SEPTIN9: variants seen among roughly 807,000 people sequenced by gnomAD.
SEPTIN9 encodes the protein septin 9, also known as septin-9.
In SEPTIN9, 13 loss-of-function variants were observed where a neutral mutation model predicts 56.6. That is an observed-to-expected ratio of 0.23 (90% CI 0.15 to 0.37). The LOEUF is 0.37. Among genes scored for constraint, SEPTIN9 ranks in the 10% least tolerant of loss-of-function variants. The probability of loss-of-function intolerance (pLI) is 1.00; values close to 1 mark genes in which losing one functional copy is unlikely to be tolerated. For missense variants in SEPTIN9, 650 were observed against 823.1 expected (o/e 0.79, Z 2.57); for synonymous variants, 332 against 334.1 (o/e 0.99, Z 0.07).
chr17:77,497,645 C>G (rs998808098), intron 11 of SEPTIN9: 1 of 540,926 alleles, frequency 1.8e-6, no homozygotes, highest in Non-Finnish European at 3.3e-6. Flanking sequence ...GTTAGAGCTG[C>G]CCGGTGGCCA....
At chr17:77,493,175 A>T (rs1365190576) in intron 10 of SEPTIN9, 99 bp downstream of exon 10, 1 of 904,240 alleles carries the variant, frequency 1.1e-6, no homozygotes, top group African/African-American at 1.7e-5. Context: ...GACTCGTGGA[A>T]CCTCATCCAC....
At chr17:77,417,288 C>G (rs889502819) in intron 3 of SEPTIN9, among the ~76,000 whole-genome samples, 9 of 152,180 alleles carry the variant, frequency 5.9e-5, no homozygotes, top group Non-Finnish European at 1.2e-4. Context: ...TTGTGTGTCT[C>G]CAGCAGCCAA....
chr17:77,407,345 A>G (rs1331593758), intron 3 of SEPTIN9, among the ~76,000 whole-genome samples: 1 of 151,328 alleles, frequency 6.6e-6, no homozygotes, highest in Non-Finnish European at 1.5e-5. Context: ...TGGACATAAT[A>G]GGTGTGCCAT....
At chr17:77,478,182 C>G (rs1222358882) in intron 3 of SEPTIN9, among the ~76,000 whole-genome samples, 1 of 152,128 alleles carries the variant, frequency 6.6e-6, no homozygotes, top group Non-Finnish European at 1.5e-5. Context: ...GTAGGTTGGA[C>G]TGGAATTCTG....
At position 77,394,943 on chromosome 17, in the gene SEPTIN9, G is replaced by A. The variant is rs565595183; in HGVS notation, c.77-7116G>A. Among the ~76,000 whole-genome samples the A allele has an allele frequency of 3.9e-5, 6 of 152,336 alleles. No homozygotes were observed. In the East Asian group the frequency reaches 9.6e-4, roughly 24 times the overall value. ...GTAGCAGCTGAGACCGTAGGTGCTT[G>A]AGAATAGGAGAAGCCCTGTGCCCAT... is the stretch of plus-strand genomic sequence containing the variant. On this transcript the variant is annotated intron_variant, in intron 2 of 11. Transcript: ENST00000427177.
rs2032759229 is a variant in SEPTIN9 at position 77,317,687 on chromosome 17, C to T, written c.76+10490C>T. 6.6e-6 allele frequency among the ~76,000 whole-genome samples: 1 copy of T among 152,090 alleles called. No homozygotes were observed. On this transcript the variant is annotated intron_variant, in intron 2 of 11. Transcript: ENST00000427177. The surrounding 1 kb of genome is among the most constrained non-coding windows in gnomAD (Gnocchi z 4.2). Reference sequence around the variant, plus strand: ...TAATAATAGAAATAAAGTGCACAATCAATACAACGTGCTTGTGGCCGGGTG... The same window carrying T: ...TAATAATAGAAATAAAGTGCACAATTAATACAACGTGCTTGTGGCCGGGTG...
chr17:77,434,690 T>C lies in SEPTIN9; in HGVS notation c.721+31987T>C, dbSNP rs946190704. Reference sequence around the variant, plus strand: ...CGCCCCAGACGTGAGGGTTGGCATCTTCTCTTGCACGTGAAGCAAAGGCCT... The same window carrying C: ...CGCCCCAGACGTGAGGGTTGGCATCCTCTCTTGCACGTGAAGCAAAGGCCT... On this transcript the variant is annotated intron_variant, in intron 3 of 11. Transcript: ENST00000427177. The surrounding 1 kb of genome is among the most constrained non-coding windows in gnomAD (Gnocchi z 5.0). Among the ~76,000 whole-genome samples the C allele has an allele frequency of 1.3e-5, 2 of 152,198 alleles. No homozygotes were observed. The highest frequency in any genetic ancestry group is 2.9e-5 in the Non-Finnish European group (2 of 68,024).
At chr17:77,294,025 G>A (rs559760088) in intron 1 of SEPTIN9, among the ~76,000 whole-genome samples, 1 of 151,498 alleles carries the variant, frequency 6.6e-6, no homozygotes, top group East Asian at 1.9e-4. Flanking sequence ...GATTGCTTGA[G>A]CCCAGGAGGT....
intron 2 of SEPTIN9, among the ~76,000 whole-genome samples, chr17:77,360,571 C>CT (rs969493382): frequency 0.02 from 2,769 of 138,724 alleles, 80 homozygotes; most frequent in African/African-American, 0.065. Flanking sequence ...TTTTTTGTTT[C>CT]TTTTTTTTTT....
At chr17:77,422,042 G>C (rs1285734291) in intron 3 of SEPTIN9, among the ~76,000 whole-genome samples, 1 of 151,662 alleles carries the variant, frequency 6.6e-6, no homozygotes, top group African/African-American at 2.4e-5. Flanking sequence ...TTTTTTTGTA[G>C]AAATGGAGTC....
At chr17:77,424,115 G>A (rs2036810648) in intron 3 of SEPTIN9, among the ~76,000 whole-genome samples, 1 of 152,226 alleles carries the variant, frequency 6.6e-6, no homozygotes, top group East Asian at 1.9e-4. Flanking sequence ...CACTTACTGC[G>A]TCCTGACGTA....
At chr17:77,479,744 C>G (rs1422070765) in intron 3 of SEPTIN9, among the ~76,000 whole-genome samples, 1 of 151,804 alleles carries the variant, frequency 6.6e-6, no homozygotes, top group Admixed American at 6.6e-5. Flanking sequence ...GCGCCTCCCC[C>G]CAGGTCCTGC....
At chr17:77,401,916 G>A in intron 2 of SEPTIN9, 143 bp from the exon 3 acceptor site, 1 of 769,120 alleles carries the variant, frequency 1.3e-6, no homozygotes, top group Non-Finnish European at 2.1e-6. Flanking sequence ...CCTTCCGCTT[G>A]CTGAGACATG....
intron 1 of SEPTIN9, among the ~76,000 whole-genome samples, chr17:77,289,999 C>A (rs771036622): frequency 5.3e-5 from 8 of 152,182 alleles, no homozygotes; most frequent in Non-Finnish European, 1.0e-4. Flanking sequence ...GAATTCTGTT[C>A]TTTTCACTTG....
In SEPTIN9 at chr17:77,490,669, C is replaced by A. The variant is rs1466764762; in HGVS notation, c.1263-73C>A. 16 of 1,192,470 alleles carry A rather than the reference C, an allele frequency of 1.3e-5. No individual in the cohort carries two copies. In the Admixed American group the frequency reaches 2.4e-4, roughly 18 times the overall value. 73.9% of individuals were successfully genotyped at this position (1,192,470 alleles called of 1,614,324 possible). A position where few individuals can be genotyped will look rare whatever the true frequency, so the allele number is the denominator to read the frequency against. ...GAGCCAGCACCTGAGAGTGTCGACA[C>A]CTGCTTGGGGGTGGGTGCCCCCCCA... On this transcript the variant is annotated intron_variant, in intron 7 of 11. Coordinates refer to ENST00000427177, the MANE Select transcript of SEPTIN9 (RefSeq NM_001113491.2).
intron 3 of SEPTIN9, among the ~76,000 whole-genome samples, chr17:77,422,500 A>G (rs924987442): frequency 6.6e-5 from 10 of 151,836 alleles, no homozygotes; most frequent in Non-Finnish European, 2.9e-5. Context: ...CCAGAGTTCT[A>G]GGTGGAGGAT....
intron 1 of SEPTIN9, among the ~76,000 whole-genome samples, chr17:77,285,870 C>G (rs1435157768): frequency 6.6e-6 from 1 of 152,250 alleles, no homozygotes; most frequent in African/African-American, 2.4e-5. Flanking sequence ...GTGGACAGGG[C>G]TGCACCCTCA....
chr17:77,422,592 G>A (rs750244470), intron 3 of SEPTIN9, among the ~76,000 whole-genome samples: 2 of 152,196 alleles, frequency 1.3e-5, no homozygotes, highest in Admixed American at 6.5e-5. Flanking sequence ...TGCAGGTCCC[G>A]CTTTCCCCAG....
In SEPTIN9 at chr17:77,453,926, A is replaced by C. The variant is rs1171198770; in HGVS notation, c.722-28218A>C. On this transcript the variant is annotated intron_variant, in intron 3 of 11. Coordinates refer to ENST00000427177, the MANE Select transcript of SEPTIN9 (RefSeq NM_001113491.2). The surrounding 1 kb of genome is among the most constrained non-coding windows in gnomAD (Gnocchi z 4.4). The stretch of plus-strand genomic sequence containing the variant: ...TGTGTGGCTTCCCTGCCGGTGTCAA[A>C]GGTCTCAAGGCCCCTTTAAGAAGCC... The C allele has an allele frequency of 2.5e-6, 1 of 398,504 alleles. No homozygotes were observed. Among genetic ancestry groups the C allele is most frequent in the African/African-American group, 2.2e-5 (1 of 45,806 alleles). 24.7% of individuals were successfully genotyped at this position (398,504 alleles called of 1,614,324 possible).
Sources: gnomAD v4.1 joint callset for allele counts (sites outside exome capture counted in the v4.1 genomes callset) on GRCh38, gnomAD v4.1.1 for gene constraint, Gnocchi (gnomAD v3.1) non-coding constraint, MANE v1.5 for transcripts, NCBI Gene and HGNC (gene_info 2026-07-23, HGNC 2026-07-21) for gene names.